The following DSCAM variants were observed in gnomAD, a reference collection of about 807,000 sequenced individuals.
The protein encoded by DSCAM is cell adhesion molecule DSCAM.
DSCAM carries 47 observed loss-of-function variants against 217.7 expected under a neutral mutation model. The observed-to-expected ratio is 0.22, with a 90% CI of 0.17 to 0.28. The LOEUF is 0.28. Ranked by LOEUF, DSCAM falls within the 10% of genes least tolerant of loss-of-function variation. The pLI is 1.00. For missense variants in DSCAM, 2,080 were observed against 2,618.3 expected (o/e 0.79, Z 4.49); for synonymous variants, 1,056 against 1,015.3 (o/e 1.04, Z -0.76).
At chr21:40,586,786 C>T (rs569678707) in intron 3 of DSCAM, among the ~76,000 whole-genome samples, 37 of 152,312 alleles carry the variant, frequency 2.4e-4, no homozygotes, top group Admixed American at 1.6e-3. Flanking sequence ...TCAATACTTA[C>T]GCAATCCTCA....
intron 10 of DSCAM, among the ~76,000 whole-genome samples, chr21:40,278,225 T>G (rs568700428): frequency 6.6e-6 from 1 of 152,288 alleles, no homozygotes; most frequent in South Asian, 2.1e-4. Flanking sequence ...AATAACTAAA[T>G]AAGACCTAAA....
intron 3 of DSCAM, among the ~76,000 whole-genome samples, chr21:40,490,979 T>C (rs1020837595): frequency 1.3e-5 from 2 of 152,362 alleles, no homozygotes; most frequent in Middle Eastern, 3.4e-3. Context: ...ATTATTCTTT[T>C]ACGTGACTTG....
chr21:40,827,482 A>AC (rs1555892996), intron 1 of DSCAM, among the ~76,000 whole-genome samples: 40 of 137,204 alleles, frequency 2.9e-4, no homozygotes, highest in African/African-American at 1.0e-3. Context: ...AAAAAAAAAA[A>AC]AAAAGAAAAG....
chr21:40,043,641 G>A (rs968279748), intron 31 of DSCAM, among the ~76,000 whole-genome samples: 1 of 152,196 alleles, frequency 6.6e-6, no homozygotes, highest in Non-Finnish European at 1.5e-5. Flanking sequence ...AAACGGATCA[G>A]CCTGTGTTCC....
chr21:40,118,549 T>C (rs772281423), intron 20 of DSCAM, among the ~76,000 whole-genome samples: 21 of 152,170 alleles, frequency 1.4e-4, no homozygotes, highest in Non-Finnish European at 2.4e-4. Context: ...ATTGCGCCAC[T>C]GCACTATAGC....
At chr21:40,709,183 C>A (rs1466589432) in intron 1 of DSCAM, among the ~76,000 whole-genome samples, 1 of 152,148 alleles carries the variant, frequency 6.6e-6, no homozygotes, top group Admixed American at 6.5e-5. Context: ...GAGCATAGAG[C>A]CCAGCTCTCA....
chr21:40,618,241 C>G (rs892334314), intron 3 of DSCAM, among the ~76,000 whole-genome samples: 4 of 152,098 alleles, frequency 2.6e-5, no homozygotes, highest in African/African-American at 9.7e-5. Flanking sequence ...TTCAGAAAAT[C>G]CAAACGAAGA....
chr21:40,657,873 ATTT>A (rs2090093526), intron 3 of DSCAM, among the ~76,000 whole-genome samples: 1 of 152,210 alleles, frequency 6.6e-6, no homozygotes, highest in East Asian at 1.9e-4. Flanking sequence ...TGAGACTAGA[ATTT>A]TTTCTGTATG....
chr21:40,350,799 C>A (rs1425483041), intron 5 of DSCAM, among the ~76,000 whole-genome samples: 2 of 145,580 alleles, frequency 1.4e-5, no homozygotes, highest in African/African-American at 5.1e-5. Flanking sequence ...TTGGATGCAA[C>A]AGAGAGTCCC....
chr21:40,353,787 G>T, intron 4 of DSCAM, 44 bp from the exon 5 acceptor site: 1 of 1,452,332 alleles, frequency 6.9e-7, no homozygotes, highest in Non-Finnish European at 9.0e-7. Flanking sequence ...ATGAGGAGTT[G>T]AAGTGGTCAT....
At chr21:40,734,693 G>T (rs535937557) in intron 1 of DSCAM, among the ~76,000 whole-genome samples, 1 of 152,250 alleles carries the variant, frequency 6.6e-6, no homozygotes, top group East Asian at 1.9e-4. Flanking sequence ...CACCATTCCA[G>T]CCAGAGTTTC....
At chr21:40,618,663 G>GAAA (rs35669378) in intron 3 of DSCAM, 42,191 of 145,138 alleles carry the variant, frequency 0.29, 6,099 homozygotes, top group South Asian at 0.4. Context: ...AGAACTCTGA[G>GAAA]AAAAAAAAAA....
At chr21:40,407,373 A>G (rs2075288068) in intron 3 of DSCAM, among the ~76,000 whole-genome samples, 1 of 152,250 alleles carries the variant, frequency 6.6e-6, no homozygotes, top group Non-Finnish European at 1.5e-5. Flanking sequence ...TTGTGAGACA[A>G]CTTTGCCTTA....
At chr21:40,684,693 T>C (rs548529057) in intron 3 of DSCAM, among the ~76,000 whole-genome samples, 3 of 152,236 alleles carry the variant, frequency 2.0e-5, no homozygotes, top group Non-Finnish European at 4.4e-5. Flanking sequence ...CTGTGGCACA[T>C]TGTCTAAGCA....
At chr21:40,841,467 C>G (rs1041208789) in intron 1 of DSCAM, among the ~76,000 whole-genome samples, 1 of 152,056 alleles carries the variant, frequency 6.6e-6, no homozygotes, top group Non-Finnish European at 1.5e-5. Flanking sequence ...GGGGGAGGGG[C>G]GCGGAGAGAT....
intron 1 of DSCAM, among the ~76,000 whole-genome samples, chr21:40,739,250 G>T (rs892395811): frequency 6.6e-6 from 1 of 152,114 alleles, no homozygotes; most frequent in Non-Finnish European, 1.5e-5. Context: ...GCAATGCTGG[G>T]GGGAGGTGGG....
At chr21:40,412,364 A>C (rs1302766269) in intron 3 of DSCAM, among the ~76,000 whole-genome samples, 1 of 152,208 alleles carries the variant, frequency 6.6e-6, no homozygotes, top group Non-Finnish European at 1.5e-5. Context: ...AAATATGGGA[A>C]AGTTTGGAAC....
intron 3 of DSCAM, among the ~76,000 whole-genome samples, chr21:40,489,917 T>C (rs1471245648): frequency 1.3e-5 from 2 of 152,034 alleles, no homozygotes; most frequent in Non-Finnish European, 2.9e-5. Context: ...CAACGTAAGA[T>C]TTTGTAGGTG....
intron 32 of DSCAM, 80 bp downstream of exon 32, chr21:40,042,291 G>C: frequency 6.7e-7 from 1 of 1,493,122 alleles, no homozygotes; most frequent in Non-Finnish European, 9.1e-7. Flanking sequence ...ACACTGAGAA[G>C]GGCTTTCACA....
Sources: allele counts gnomAD v4.1 joint callset (sites outside exome capture counted in the v4.1 genomes callset), GRCh38; gene constraint gnomAD v4.1.1; transcripts MANE v1.5; gene names NCBI Gene and HGNC (gene_info 2026-07-23, HGNC 2026-07-21).